The following NPAS3 variants were observed in gnomAD, a reference collection of about 807,000 sequenced individuals.
NPAS3 encodes the protein neuronal PAS domain protein 3, also known as neuronal PAS domain-containing protein 3.
NPAS3 carries 14 observed loss-of-function variants against 73.1 expected under a neutral mutation model. That is an observed-to-expected ratio of 0.19 (90% CI 0.13 to 0.30). The LOEUF is 0.30. NPAS3 is among the 10% of genes least tolerant of loss of function. The pLI is 1.00. For missense variants in NPAS3, 1,096 were observed against 1,250.0 expected (o/e 0.88, Z 1.86); for synonymous variants, 620 against 541.5 (o/e 1.14, Z -2.01).
intron 4 of NPAS3, among the ~76,000 whole-genome samples, chr14:33,433,237 C>T (rs1352198956): frequency 6.6e-6 from 1 of 152,126 alleles, no homozygotes; most frequent in Non-Finnish European, 1.5e-5. Flanking sequence ...TGTCAGTAGG[C>T]TCATATTATT....
chr14:32,985,676 T>C (rs2038067881), intron 1 of NPAS3, among the ~76,000 whole-genome samples: 1 of 151,860 alleles, frequency 6.6e-6, no homozygotes, highest in East Asian at 1.9e-4. Context: ...AGATACACCA[T>C]GGAAGGGAAA....
chr14:33,257,145 C>T (rs1286418669), intron 3 of NPAS3, among the ~76,000 whole-genome samples: 2 of 152,210 alleles, frequency 1.3e-5, no homozygotes, highest in Non-Finnish European at 2.9e-5. Flanking sequence ...TCCCAACCCT[C>T]CTTCTTCCTA....
chr14:33,414,221 A>G (rs1827488294), intron 4 of NPAS3, among the ~76,000 whole-genome samples: 1 of 152,120 alleles, frequency 6.6e-6, no homozygotes. Context: ...ATTCACTTCA[A>G]CCCAGTAGCA....
chr14:33,100,758 A>G (rs1340782028), intron 2 of NPAS3, among the ~76,000 whole-genome samples: 1 of 152,162 alleles, frequency 6.6e-6, no homozygotes, highest in Non-Finnish European at 1.5e-5. Context: ...GGTCAGTTTT[A>G]ATAAATGTGG....
At chr14:33,544,336 A>G (rs1422685498) in intron 4 of NPAS3, among the ~76,000 whole-genome samples, 1 of 152,080 alleles carries the variant, frequency 6.6e-6, no homozygotes, top group Non-Finnish European at 1.5e-5. Context: ...ACATACATAT[A>G]TATGTGTGCC....
At chr14:33,139,101 G>A (rs2043947921) in intron 2 of NPAS3, among the ~76,000 whole-genome samples, 1 of 152,100 alleles carries the variant, frequency 6.6e-6, no homozygotes. Context: ...TTAAAATTGG[G>A]TGTCTGTCTA....
chr14:33,668,308 G>GTATGATTTGTGCATTTACA (rs2059513120), intron 5 of NPAS3, among the ~76,000 whole-genome samples: 3 of 152,130 alleles, frequency 2.0e-5, no homozygotes, highest in African/African-American at 7.2e-5. Flanking sequence ...ACTGAGGAAC[G>GTATGATTTGTGCATTTACA]ACTAATTGTA....
At chr14:33,288,106 C>G (rs2041952563) in intron 3 of NPAS3, among the ~76,000 whole-genome samples, 1 of 152,006 alleles carries the variant, frequency 6.6e-6, no homozygotes, top group Admixed American at 6.6e-5. Flanking sequence ...GATGTTAGTC[C>G]AGAAGAGGAA....
At chr14:33,464,645 G>C (rs1208944596) in intron 4 of NPAS3, among the ~76,000 whole-genome samples, 1 of 152,186 alleles carries the variant, frequency 6.6e-6, no homozygotes, top group Non-Finnish European at 1.5e-5. Context: ...AACATTTACT[G>C]TCTGTGGCTG....
intron 6 of NPAS3, among the ~76,000 whole-genome samples, chr14:33,713,950 T>C (rs1195738868): frequency 2.0e-4 from 31 of 152,170 alleles, no homozygotes; most frequent in Admixed American, 2.0e-3. Flanking sequence ...CTCTGGACTC[T>C]TGTACAGGCT....
At chr14:33,713,974 G>A (rs1289378457) in intron 6 of NPAS3, among the ~76,000 whole-genome samples, 1 of 151,908 alleles carries the variant, frequency 6.6e-6, no homozygotes, top group African/African-American at 2.4e-5. Context: ...TCTTCTTCCT[G>A]GAACACTATC....
At chr14:33,123,548 G>A (rs2043311704) in intron 2 of NPAS3, among the ~76,000 whole-genome samples, 1 of 152,228 alleles carries the variant, frequency 6.6e-6, no homozygotes, top group South Asian at 2.1e-4. Context: ...AAAAGAAGCA[G>A]TGGAGAGGGA....
At chr14:33,111,490 C>T (rs184116334) in intron 2 of NPAS3, among the ~76,000 whole-genome samples, 1 of 152,196 alleles carries the variant, frequency 6.6e-6, no homozygotes, top group Non-Finnish European at 1.5e-5. Flanking sequence ...CAAACCAACT[C>T]ACTTTATAAT....
At chr14:33,028,123 C>T (rs1193248284) in intron 1 of NPAS3, among the ~76,000 whole-genome samples, 2 of 152,146 alleles carry the variant, frequency 1.3e-5, no homozygotes, top group African/African-American at 4.8e-5. Context: ...AGGTTACACT[C>T]TAGTCTCTGT....
chr14:33,276,572 A>G (rs145220660), intron 3 of NPAS3, among the ~76,000 whole-genome samples: 1,768 of 152,224 alleles, frequency 0.012, 32 homozygotes, highest in African/African-American at 0.04. Context: ...CAAGTTTACC[A>G]CTTCCTAACT....
chr14:33,555,944 ATTT>A (rs2055338172), intron 4 of NPAS3, among the ~76,000 whole-genome samples: 1 of 151,672 alleles, frequency 6.6e-6, no homozygotes, highest in South Asian at 2.1e-4. Context: ...CTAACAACTA[ATTT>A]AACTAGTTGT....
Position 33,092,068 on chromosome 14 carries a change from G to T in NPAS3, c.140+36074G>T, listed in dbSNP as rs553962715. Among the ~76,000 whole-genome samples the T allele has an allele frequency of 2.6e-5, 4 of 152,230 alleles. No individual in the cohort carries two copies. In the South Asian group the frequency reaches 8.3e-4, roughly 32 times the overall value. On this transcript the variant is annotated intron_variant, in intron 2 of 11. Coordinates refer to ENST00000356141, the Ensembl canonical transcript of NPAS3. ...CCCTTTGAAAGCTGGCACAAGACAGGGATGCCCTCTCTCACCACTCCTATT... is the reference window on the plus strand; with the variant it reads ...CCCTTTGAAAGCTGGCACAAGACAGTGATGCCCTCTCTCACCACTCCTATT...
chr14:33,054,168 G>A (rs1386027778), intron 1 of NPAS3, among the ~76,000 whole-genome samples: 1 of 152,020 alleles, frequency 6.6e-6, no homozygotes, highest in Non-Finnish European at 1.5e-5. Flanking sequence ...TTAAACCTGG[G>A]CTTCATTTCA....
chr14:33,439,730 G>A lies in NPAS3; in HGVS notation c.468+72462G>A, dbSNP rs575987896. 3.3e-5 allele frequency among the ~76,000 whole-genome samples: 5 copies of A among 152,298 alleles called. No individual in the cohort carries two copies. The South Asian group carries it at 8.3e-4, about 25-fold the overall frequency. ...CAGTAACTCGTCAGTGCTAATGGAC[G>A]GTTAAGTTTGCTAGGTGCCTAAAAG... is the stretch of plus-strand genomic sequence containing the variant. On this transcript the variant is annotated intron_variant, in intron 4 of 11. Transcript: ENST00000356141.
Sources: allele counts gnomAD v4.1 joint callset (sites outside exome capture counted in the v4.1 genomes callset), GRCh38; gene constraint gnomAD v4.1.1; transcripts MANE v1.5; gene names NCBI Gene and HGNC (gene_info 2026-07-23, HGNC 2026-07-21).